Variants in THSD7B observed in about 807,000 individuals in gnomAD.
THSD7B encodes the protein thrombospondin type 1 domain containing 7B.
A neutral mutation model predicts 213.6 loss-of-function variants in THSD7B; 138 were observed. The observed-to-expected ratio is 0.65, with a 90% CI of 0.56 to 0.74. THSD7B has a LOEUF of 0.74. Among genes scored for constraint, THSD7B ranks in the 30% least tolerant of loss-of-function variants. The pLI is 0.00. For synonymous variants in THSD7B, 742 were observed against 687.0 expected (o/e 1.08, Z -1.25); for missense variants, 1,931 against 1,991.5 (o/e 0.97, Z 0.58).
chr2:137,141,299 G>A (rs1041301890), intron 5 of THSD7B, among the ~76,000 whole-genome samples: 2 of 152,008 alleles, frequency 1.3e-5, no homozygotes, highest in Non-Finnish European at 2.9e-5. Context: ...TTGAGAGCAG[G>A]GATAAGGATA....
intron 17 of THSD7B, among the ~76,000 whole-genome samples, chr2:137,614,594 T>C (rs534483369): frequency 6.6e-6 from 1 of 152,298 alleles, no homozygotes; most frequent in South Asian, 2.1e-4. Flanking sequence ...TTCAAATTAA[T>C]TGGTAAAATA....
At chr2:137,465,565 A>G (rs1687976098) in intron 15 of THSD7B, among the ~76,000 whole-genome samples, 1 of 152,094 alleles carries the variant, frequency 6.6e-6, no homozygotes, top group South Asian at 2.1e-4. Context: ...GGTAACTGGG[A>G]CTCAGAGCGG....
chr2:137,432,363 C>T (rs62167971), intron 14 of THSD7B, among the ~76,000 whole-genome samples: 90,810 of 152,174 alleles, frequency 0.6, 28,785 homozygotes, highest in East Asian at 0.77. Context: ...TGCGCTCCAG[C>T]CTGCCGACAG....
At chr2:137,499,023 G>A (rs969513475) in intron 15 of THSD7B, among the ~76,000 whole-genome samples, 5 of 152,138 alleles carry the variant, frequency 3.3e-5, no homozygotes, top group Admixed American at 6.5e-5. Context: ...TCTCCCTTAC[G>A]TAATGGTGAT....
At chr2:137,226,264 G>A (rs771546439) in intron 7 of THSD7B, among the ~76,000 whole-genome samples, 1 of 151,748 alleles carries the variant, frequency 6.6e-6, no homozygotes, top group Non-Finnish European at 1.5e-5. Context: ...GGACGAGTAA[G>A]GTAGTTTGAA....
At chr2:137,081,397 A>G (rs1411069291) in intron 3 of THSD7B, among the ~76,000 whole-genome samples, 1 of 151,676 alleles carries the variant, frequency 6.6e-6, no homozygotes. Flanking sequence ...CATCTTATTT[A>G]TCTGTATTTT....
intron 1 of THSD7B, among the ~76,000 whole-genome samples, chr2:136,879,667 C>T (rs1209029090): frequency 6.6e-6 from 1 of 152,070 alleles, no homozygotes; most frequent in East Asian, 1.9e-4. Flanking sequence ...GTATTTTATT[C>T]TCTTTGAAGC....
At chr2:136,788,558 T>C (rs2104912047) in intron 1 of THSD7B, among the ~76,000 whole-genome samples, 1 of 152,278 alleles carries the variant, frequency 6.6e-6, no homozygotes, top group Non-Finnish European at 1.5e-5. Flanking sequence ...TGATTTTTTT[T>C]CCTTTGGAGA....
intron 1 of THSD7B, among the ~76,000 whole-genome samples, chr2:136,823,909 A>T (rs1228467650): frequency 6.6e-6 from 1 of 152,188 alleles, no homozygotes; most frequent in Non-Finnish European, 1.5e-5. Context: ...GCTGTGGTCC[A>T]TGGACTGGAT....
At chr2:137,551,534 C>G (rs1680848732) in intron 15 of THSD7B, among the ~76,000 whole-genome samples, 1 of 152,108 alleles carries the variant, frequency 6.6e-6, no homozygotes, top group South Asian at 2.1e-4. Flanking sequence ...GCCACACATC[C>G]AGATTGCAAA....
At chr2:137,079,922 C>A (rs1573809941) in intron 3 of THSD7B, among the ~76,000 whole-genome samples, 2 of 152,130 alleles carry the variant, frequency 1.3e-5, no homozygotes, top group East Asian at 3.9e-4. Context: ...TCACTGCAAC[C>A]TCCATCTCCC....
chr2:137,625,489 G>T (rs1185627469), intron 20 of THSD7B, among the ~76,000 whole-genome samples: 2 of 149,396 alleles, frequency 1.3e-5, no homozygotes, highest in East Asian at 3.9e-4. Context: ...AAAAAAAATA[G>T]AAAAATAGGC....
At chr2:136,959,659 C>A (rs1438440481) in intron 2 of THSD7B, among the ~76,000 whole-genome samples, 1 of 152,052 alleles carries the variant, frequency 6.6e-6, no homozygotes, top group Non-Finnish European at 1.5e-5. Flanking sequence ...CCTTCTTGGC[C>A]AAATGTTTTT....
chr2:137,653,351 T>C (rs1208877593), intron 21 of THSD7B, among the ~76,000 whole-genome samples: 1 of 152,080 alleles, frequency 6.6e-6, no homozygotes, highest in Non-Finnish European at 1.5e-5. Flanking sequence ...GTTTTTAAGG[T>C]CCTGTTTTTC....
chr2:136,837,471 A>T (rs1682862700), intron 1 of THSD7B, among the ~76,000 whole-genome samples: 2 of 152,176 alleles, frequency 1.3e-5, no homozygotes, highest in South Asian at 4.1e-4. Flanking sequence ...CTTCCTCCAG[A>T]TAGCTGCAAG....
intron 1 of THSD7B, among the ~76,000 whole-genome samples, chr2:136,855,026 C>T (rs1683155787): frequency 6.6e-6 from 1 of 152,162 alleles, no homozygotes; most frequent in Non-Finnish European, 1.5e-5. Flanking sequence ...GATATGTAAG[C>T]ATTGTTAGTT....
intron 2 of THSD7B, among the ~76,000 whole-genome samples, chr2:137,004,066 AG>A: frequency 6.6e-6 from 1 of 152,280 alleles, no homozygotes; most frequent in Admixed American, 6.5e-5. Flanking sequence ...ATGTTGCTTT[AG>A]GGTCTTATTG....
intron 3 of THSD7B, among the ~76,000 whole-genome samples, chr2:137,063,491 G>A (rs539343431): frequency 1.3e-5 from 2 of 152,070 alleles, no homozygotes; most frequent in East Asian, 3.9e-4. Flanking sequence ...GGTAAATGGA[G>A]TATTTATCAC....
intron 1 of THSD7B, among the ~76,000 whole-genome samples, chr2:136,781,912 A>G (rs796968581): frequency 1.3e-5 from 2 of 152,320 alleles, no homozygotes; most frequent in African/African-American, 2.4e-5. Flanking sequence ...AACATGTGAC[A>G]TATACATTTT....
Sources: gnomAD v4.1 joint callset for allele counts (sites outside exome capture counted in the v4.1 genomes callset) on GRCh38, gnomAD v4.1.1 for gene constraint, MANE v1.5 for transcripts, NCBI Gene and HGNC (gene_info 2026-07-23, HGNC 2026-07-21) for gene names.